The following PRSS12 variants were observed in gnomAD, a reference collection of about 807,000 sequenced individuals.
The protein encoded by PRSS12 is serine protease 12, also known as neurotrypsin.
Under a neutral mutation model 104.4 loss-of-function variants are expected in PRSS12, and 85 were observed. The ratio of observed to expected loss-of-function variants is 0.81; its 90% CI spans 0.68 to 0.98. PRSS12 has a LOEUF of 0.98. Ranked by LOEUF, PRSS12 falls within the 50% of genes least tolerant of loss-of-function variation. The pLI is 0.00. For synonymous variants in PRSS12, 454 were observed against 425.2 expected, an observed-to-expected ratio of 1.07 and a Z score of -0.83; for missense variants, 1,141 against 1,139.2, an observed-to-expected ratio of 1.00 and a Z score of -0.02.
At chr4:118,320,539 C>A (rs1438351922) in intron 4 of PRSS12, among the ~76,000 whole-genome samples, 1 of 152,114 alleles carries the variant, frequency 6.6e-6, no homozygotes, top group Non-Finnish European at 1.5e-5. Context: ...ACTACTTGAG[C>A]TCAGGAGTTT....
intron 4 of PRSS12, among the ~76,000 whole-genome samples, chr4:118,320,802 A>ATTCT (rs1723597816): frequency 6.6e-6 from 1 of 152,072 alleles, no homozygotes; most frequent in Admixed American, 6.6e-5. Context: ...ATGCTTAGGG[A>ATTCT]ATGCTCCGTC....
intron 7 of PRSS12, among the ~76,000 whole-genome samples, chr4:118,312,409 T>C (rs1264447626): frequency 6.6e-6 from 1 of 151,990 alleles, no homozygotes; most frequent in Non-Finnish European, 1.5e-5. Context: ...GATAGATATA[T>C]AATAAAGCTG....
rs202148398 is a variant in PRSS12 at position 118,316,257 on chromosome 4, C to T, written c.1217G>A (p.Gly406Asp). ...HEGRLEVYYRGQWGTVCDDGW... is the reference protein window; with the variant it reads ...HEGRLEVYYRDQWGTVCDDGW... The stretch of plus-strand genomic sequence containing the variant: ...ATCATCACAGACAGTTCCCCACTGG[C>T]CTCTGTAATATACCTCCAAGCGACC... Residue 406 changes from glycine to aspartate, a missense_variant, in exon 6 of 13, where the codon GGC (glycine) becomes GAC (aspartate). Transcript: ENST00000296498. 3.1e-6 allele frequency: 5 copies of T among 1,614,052 alleles called. No individual in the cohort carries two copies. The African/African-American group carries it at 6.7e-5, about 22-fold the overall frequency.
At chr4:118,331,332 G>C (rs1723911287) in intron 4 of PRSS12, among the ~76,000 whole-genome samples, 1 of 152,194 alleles carries the variant, frequency 6.6e-6, no homozygotes, top group Admixed American at 6.5e-5. Context: ...CAGTTCAAAA[G>C]TTTAGACAAC....
Position 118,316,330 on chromosome 4 carries a change from T to C in PRSS12, c.1151-7A>G. The C allele has an allele frequency of 6.2e-7, 1 of 1,613,932 alleles. No homozygotes were observed. The highest frequency in any genetic ancestry group is 8.5e-7 in the Non-Finnish European group (1 of 1,179,976). On this transcript the variant is annotated splice_region_variant and splice_polypyrimidine_tract_variant and intron_variant, in intron 5 of 12. Coordinates refer to ENST00000296498, the MANE Select transcript of PRSS12 (RefSeq NM_003619.4). ...GCAAGTCTGATGACCCCATCTGTGA[T>C]AAAGAGGAGACACAGAGACTAAGCA...
At position 118,335,459 on chromosome 4, in the gene PRSS12, TTTC is replaced by T. The variant is rs768256246; in HGVS notation, c.820+11_820+13del. 11 of 1,609,968 alleles carry T rather than the reference TTTC, an allele frequency of 6.8e-6. No individual in the cohort carries two copies. Among genetic ancestry groups the T allele is most frequent in the Non-Finnish European group, 8.5e-6 (10 of 1,177,916 alleles). ...AATGAAAGTAAAACAACAGAACTTT[TTTC>T]TTTTTTTTACCATGGGAAAAGCTAC... On this transcript the variant is annotated intron_variant, in intron 3 of 12. Transcript: ENST00000296498.
rs1289517055 is a variant in PRSS12, at chr4:118,335,541, T to C, written c.752A>G (p.Lys251Arg). 6.2e-7 allele frequency: 1 copy of C among 1,613,970 alleles called. No homozygotes were observed. Among genetic ancestry groups the C allele is most frequent in the Admixed American group, 1.7e-5 (1 of 59,968 alleles). Residue 251 changes from lysine (K) to arginine (R), a missense_variant, in exon 3 of 13, where the codon AAA becomes AGA. Lys to Arg is a conservative substitution (Grantham distance 26, BLOSUM62 2). Coordinates refer to ENST00000296498, the MANE Select transcript of PRSS12 (RefSeq NM_003619.4). ...GDEENILLCE[K>R]DIWQGGVCPQ... ...ACACACCCCACCCTGCCAGATGTCT[T>C]TTTCACAAAGCAGTATATTTTCTTC...
At chr4:118,325,884 G>C (rs1243842314) in intron 4 of PRSS12, among the ~76,000 whole-genome samples, 3 of 149,914 alleles carry the variant, frequency 2.0e-5, no homozygotes, top group Non-Finnish European at 4.5e-5. Context: ...ATTATTTTCT[G>C]TGTAAAGATA....
chr4:118,335,188 T>A (rs1275921147), intron 3 of PRSS12, among the ~76,000 whole-genome samples: 1 of 152,058 alleles, frequency 6.6e-6, no homozygotes, highest in Non-Finnish European at 1.5e-5. Flanking sequence ...ATATACAATA[T>A]ATTATACAGT....
chr4:118,294,896 G>A (rs770717600), intron 11 of PRSS12, 43 bp downstream of exon 11: 3 of 1,612,218 alleles, frequency 1.9e-6, no homozygotes, highest in Non-Finnish European at 2.5e-6. Flanking sequence ...AAGAACTGAT[G>A]AATAGAAGCT....
chr4:118,298,345 T>G (rs111947435), intron 9 of PRSS12, among the ~76,000 whole-genome samples: 3,107 of 152,262 alleles, frequency 0.02, 38 homozygotes, highest in South Asian at 0.034. Flanking sequence ...TAGTAAGACT[T>G]TAGAAATGCC....
intron 11 of PRSS12, among the ~76,000 whole-genome samples, chr4:118,284,910 G>A (rs919497716): frequency 2.1e-4 from 32 of 152,170 alleles, no homozygotes; most frequent in African/African-American, 7.7e-4. Context: ...TACAAGACCT[G>A]TACTTGAATG....
chr4:118,311,726 T>C (rs756243796), intron 7 of PRSS12, among the ~76,000 whole-genome samples: 6 of 152,212 alleles, frequency 3.9e-5, no homozygotes, highest in Non-Finnish European at 5.9e-5. Context: ...CCCTCAGGTT[T>C]TTAAATTTTT....
rs1323053600 is a variant in PRSS12 at position 118,282,189 on chromosome 4, C to T, written c.2375G>A (p.Arg792Lys). The T allele has an allele frequency of 1.2e-6, 2 of 1,614,132 alleles. No homozygotes were observed. The highest frequency in any genetic ancestry group is 1.3e-5 in the African/African-American group (1 of 74,998). ...ACCCTTATAACGTTCTTCACAAAACCTTTTAGGAAGTAAGGGAATGGCTGC... is the reference window on the plus strand; with the variant it reads ...ACCCTTATAACGTTCTTCACAAAACTTTTTAGGAAGTAAGGGAATGGCTGC... Reference protein sequence around the residue: ...QQAAIPLLPKRFCEERYKGRF... With the variant: ...QQAAIPLLPKKFCEERYKGRF... The change falls in exon 13 of 13, where the codon AGG becomes AAG. Residue 792 changes from arginine to lysine, a missense_variant. By Grantham distance (26) the Arg-to-Lys change is conservative. Transcript: ENST00000296498.
At chr4:118,303,612 T>A (rs796589064) in intron 8 of PRSS12, 20 of 152,260 alleles carry the variant, frequency 1.3e-4, no homozygotes, top group African/African-American at 4.1e-4. Context: ...GCTGAAAATT[T>A]CAATGACACA....
intron 8 of PRSS12, among the ~76,000 whole-genome samples, chr4:118,299,215 T>TA (rs1560767962): frequency 2.0e-5 from 3 of 152,176 alleles, no homozygotes; most frequent in Admixed American, 1.3e-4. Flanking sequence ...AAAATCATGA[T>TA]AGTCTTTAAC....
chr4:118,315,544 T>C (rs1249413408), intron 6 of PRSS12, among the ~76,000 whole-genome samples: 1 of 152,150 alleles, frequency 6.6e-6, no homozygotes, highest in Non-Finnish European at 1.5e-5. Context: ...CAAGAAAGAA[T>C]AGGCATTCAT....
At chr4:118,284,714 C>T (rs893644781) in intron 11 of PRSS12, among the ~76,000 whole-genome samples, 7 of 152,042 alleles carry the variant, frequency 4.6e-5, no homozygotes, top group African/African-American at 1.4e-4. Context: ...TGGGTTCTAC[C>T]GTCTGCCCAT....
At chr4:118,336,535 G>T (rs1724068716) in intron 2 of PRSS12, among the ~76,000 whole-genome samples, 1 of 152,070 alleles carries the variant, frequency 6.6e-6, no homozygotes, top group Admixed American at 6.6e-5. Flanking sequence ...AATAAAGCTG[G>T]GTTTCTCTGA....
Sources: allele counts gnomAD v4.1 joint callset (sites outside exome capture counted in the v4.1 genomes callset), GRCh38; gene constraint gnomAD v4.1.1; transcripts MANE v1.5; gene names NCBI Gene and HGNC (gene_info 2026-07-23, HGNC 2026-07-21).